ENTPD6: variants seen among roughly 807,000 people sequenced by gnomAD.
ENTPD6 encodes the protein ectonucleoside triphosphate diphosphohydrolase 6.
Under a neutral mutation model 61.5 loss-of-function variants are expected in ENTPD6, and 46 were observed. That is an observed-to-expected ratio of 0.75 (90% CI 0.59 to 0.96). ENTPD6 has a LOEUF of 0.96. ENTPD6 is among the 40% of genes least tolerant of loss of function. The pLI, the probability that ENTPD6 is intolerant of heterozygous loss-of-function variation, is 0.00. For missense variants in ENTPD6, 612 were observed against 629.0 expected (o/e 0.97, Z 0.29); for synonymous variants, 252 against 255.5 (o/e 0.99, Z 0.13).
chr20:25,218,473 G>T (rs1980497), intron 9 of ENTPD6, 77 bp from the exon 10 acceptor site: 171,720 of 1,375,404 alleles, frequency 0.12, 11,830 homozygotes, highest in Middle Eastern at 0.27. Context: ...CCCCACTCGG[G>T]CTGGGTCTCA....
At chr20:25,210,838 A>T (rs2091912275) in intron 4 of ENTPD6, among the ~76,000 whole-genome samples, 1 of 152,186 alleles carries the variant, frequency 6.6e-6, no homozygotes, top group Admixed American at 6.5e-5. Context: ...GCTACTCAGG[A>T]GGCTGAGGCA....
chr20:25,222,474 G>GC (rs146764738), intron 11 of ENTPD6: 21,968 of 219,066 alleles, frequency 0.1, 4,166 homozygotes, highest in African/African-American at 0.43. Flanking sequence ...GAGGGTGCAG[G>GC]CCCCCTGAGG....
chr20:25,197,845 T>C (rs2090626651), intron 1 of ENTPD6, among the ~76,000 whole-genome samples: 1 of 152,338 alleles, frequency 6.6e-6, no homozygotes, highest in East Asian at 1.9e-4. Context: ...GTAAGGTATG[T>C]CTATGTATGT....
rs189195744 is a variant in ENTPD6 at position 25,206,701 on chromosome 20, C to T, written c.54+111C>T. The T allele has an allele frequency of 8.4e-4, 699 of 832,244 alleles. 1 individual carries two copies. Among genetic ancestry groups the T allele is most frequent in the Admixed American group, 1.6e-3 (85 of 53,260 alleles). The allele number at this position is 832,244 out of a possible 1,614,324, so 51.6% of individuals were successfully genotyped here. ...GGATTGAAAGACTGAATCAGATACGCGCTTCTGTTCCCATGAACAGTTTGG... is the reference window on the plus strand; with the variant it reads ...GGATTGAAAGACTGAATCAGATACGTGCTTCTGTTCCCATGAACAGTTTGG... On this transcript the variant is annotated intron_variant, in intron 2 of 14. Coordinates refer to ENST00000376652, the MANE Select transcript of ENTPD6 (RefSeq NM_001247.5).
At chr20:25,203,807 G>C (rs561594002) in intron 1 of ENTPD6, among the ~76,000 whole-genome samples, 19 of 152,214 alleles carry the variant, frequency 1.2e-4, no homozygotes, top group Middle Eastern at 3.4e-3. Context: ...TTCTTTGTAT[G>C]CCGTGTGATT....
At position 25,221,268 on chromosome 20, in the gene ENTPD6, C is replaced by G. The variant is rs1600667547; in HGVS notation, c.980C>G (p.Ser327Cys). 3.1e-6 allele frequency: 5 copies of G among 1,614,134 alleles called. No individual in the cohort carries two copies. In the East Asian group the frequency reaches 1.1e-4, roughly 36 times the overall value. Residue 327 changes from serine (S) to cysteine (C), a missense_variant, in exon 11 of 15, where the codon TCT (serine) becomes TGT (cysteine). Ser to Cys is a moderately radical substitution (Grantham distance 112, BLOSUM62 -1). Transcript: ENST00000376652. ...AAGGAGTTGGTCAGCCCTTGCTTGT[C>G]TCCCAGTTTCAAAGGAGAGTGGGAA... Reference protein sequence around the residue: ...DGKELVSPCLSPSFKGEWEHA... With the variant: ...DGKELVSPCLCPSFKGEWEHA...
chr20:25,201,012 G>A (rs777400256), intron 1 of ENTPD6, among the ~76,000 whole-genome samples: 2 of 152,066 alleles, frequency 1.3e-5, no homozygotes, highest in Non-Finnish European at 2.9e-5. Flanking sequence ...TTGTGTTTTT[G>A]TTTTCACTTA....
Position 25,222,890 on chromosome 20 carries a change from CAG to C in ENTPD6, c.1101_1102del (p.Arg367SerfsTer91), listed in dbSNP as rs2092685465. 1 of 1,614,188 alleles carries C rather than the reference CAG, an allele frequency of 6.2e-7. No homozygotes were observed. The highest frequency in any genetic ancestry group is 8.5e-7 in the Non-Finnish European group (1 of 1,180,038). ...AARVSEVLQN[R>X]VHRTEEVKHV... Reference sequence around the variant, plus strand: ...CCAGAGTGTCAGAGGTCCTTCAAAACAGAGTGCACAGGACGGAGGAAGTGAAG... The same window carrying C: ...CCAGAGTGTCAGAGGTCCTTCAAAACAGTGCACAGGACGGAGGAAGTGAAG... On this transcript the variant is annotated frameshift_variant, in exon 12 of 15. Transcript: ENST00000376652. LOFTEE classifies it high-confidence loss of function.
intron 12 of ENTPD6, 188 bp from the exon 13 acceptor site, chr20:25,223,913 C>G (rs983585878): frequency 2.1e-6 from 1 of 478,620 alleles, no homozygotes; most frequent in Non-Finnish European, 3.7e-6. Flanking sequence ...CCCAAACCCA[C>G]CCCACACCAC....
At position 25,214,884 on chromosome 20, in the gene ENTPD6, A is replaced by G; in HGVS notation, c.615A>G (p.Lys205=). The G allele has an allele frequency of 6.3e-7, 1 of 1,587,026 alleles. No individual in the cohort carries two copies. The part of the protein sequence containing the change: ...KLLQKVKKVF[K]ASPFLVGDDC... ...ACATTTAGGTGAAAAAAGTATTTAA[A>G]GCATCGCCTTTCCTTGTAGGGGATG... The change falls in exon 6 of 15, where the codon AAA becomes AAG. Residue 205 remains lysine (K), a synonymous_variant. Coordinates refer to ENST00000376652, the MANE Select transcript of ENTPD6 (RefSeq NM_001247.5).
At chr20:25,197,365 C>T (rs1275562999) in intron 1 of ENTPD6, 1 of 442,814 alleles carries the variant, frequency 2.3e-6, no homozygotes, top group Admixed American at 6.4e-5. Flanking sequence ...GGAGCCACAC[C>T]TCTCTGTTTG....
At chr20:25,216,561 C>G in intron 7 of ENTPD6, 87 bp from the exon 8 acceptor site, 1 of 927,870 alleles carries the variant, frequency 1.1e-6, no homozygotes, top group Non-Finnish European at 1.7e-6. Flanking sequence ...TTTCTTTCCC[C>G]TGAGGGCCTG....
intron 3 of ENTPD6, among the ~76,000 whole-genome samples, chr20:25,208,812 C>T (rs73339049): frequency 0.057 from 8,693 of 152,218 alleles, 760 homozygotes; most frequent in African/African-American, 0.2. Flanking sequence ...TATCCTATTC[C>T]GCTGTTTATT....
rs973261206 is a variant in ENTPD6, at chr20:25,227,363, G to C, written c.*1766G>C. 6.6e-6 allele frequency among the ~76,000 whole-genome samples: 1 copy of C among 152,242 alleles called. No individual in the cohort carries two copies. Among genetic ancestry groups the C allele is most frequent in the Non-Finnish European group, 1.5e-5 (1 of 68,044 alleles). Reference sequence around the variant, plus strand: ...AAAGAACTCCGGAGGCTGAGAATCAGACGCATGAAGGTAAAGCCAAAATCA... The same window carrying C: ...AAAGAACTCCGGAGGCTGAGAATCACACGCATGAAGGTAAAGCCAAAATCA... On this transcript the variant is annotated 3_prime_UTR_variant, in exon 15 of 15. Transcript: ENST00000376652.
At chr20:25,220,961 G>A (rs1365378211) in intron 10 of ENTPD6, among the ~76,000 whole-genome samples, 2 of 152,206 alleles carry the variant, frequency 1.3e-5, no homozygotes, top group Non-Finnish European at 2.9e-5. Context: ...AAGGACTGTC[G>A]TCACACTTCA....
rs550929700 is a variant in ENTPD6 at position 25,207,244 on chromosome 20, A to G, written c.223A>G (p.Thr75Ala). The change falls in exon 3 of 15, where the codon ACC (threonine) becomes GCC (alanine). Residue 75 changes from threonine to alanine, a missense_variant. Physicochemically the swap from Thr to Ala is moderately conservative, Grantham distance 58. Coordinates refer to ENST00000376652, the MANE Select transcript of ENTPD6 (RefSeq NM_001247.5). Reference sequence around the variant, plus strand: ...CGCCACCCAGGCCTTCTTCAGCATCACCAGGGCAGCCCCGGGGGCCCGGTG... The same window carrying G: ...CGCCACCCAGGCCTTCTTCAGCATCGCCAGGGCAGCCCCGGGGGCCCGGTG... ...ATATQAFFSI[T>A]RAAPGARWGQ... 13 of 1,614,006 alleles carry G rather than the reference A, an allele frequency of 8.1e-6. No homozygotes were observed. The East Asian group carries it at 2.7e-4, about 33-fold the overall frequency.
At position 25,215,717 on chromosome 20, in the gene ENTPD6, T is replaced by G; in HGVS notation, c.709+6T>G. ...CACCATCAACTTCCTGACAGGTGTG[T>G]GCACACTGCATCACAGAGGCTAGCC... On this transcript the variant is annotated splice_donor_region_variant and intron_variant, in intron 7 of 14. Coordinates refer to ENST00000376652, the MANE Select transcript of ENTPD6 (RefSeq NM_001247.5). The G allele has an allele frequency of 6.2e-7, 1 of 1,614,196 alleles. No homozygotes were observed. The highest frequency in any genetic ancestry group is 8.5e-7 in the Non-Finnish European group (1 of 1,180,010).
intron 1 of ENTPD6, among the ~76,000 whole-genome samples, chr20:25,199,699 C>G (rs1395301016): frequency 6.6e-6 from 1 of 152,180 alleles, no homozygotes; most frequent in Non-Finnish European, 1.5e-5. Flanking sequence ...GATTTGACAG[C>G]TCTGTAACTC....
intron 4 of ENTPD6, 110 bp from the exon 5 acceptor site, chr20:25,213,153 A>T: frequency 1.6e-6 from 2 of 1,271,472 alleles, no homozygotes; most frequent in Non-Finnish European, 2.3e-6. Context: ...TGGGCAACAC[A>T]GTGAGACTCT....
Sources: allele counts gnomAD v4.1 joint callset (sites outside exome capture counted in the v4.1 genomes callset), GRCh38; gene constraint gnomAD v4.1.1; transcripts MANE v1.5; gene names NCBI Gene and HGNC (gene_info 2026-07-23, HGNC 2026-07-21).